The following MAP3K15 variants were observed in gnomAD, a reference collection of about 807,000 sequenced individuals.
MAP3K15 encodes the protein mitogen-activated protein kinase kinase kinase 15.
A neutral mutation model predicts 99.5 loss-of-function variants in MAP3K15; 124 were observed. That is an observed-to-expected ratio of 1.25 (90% CI 1.08 to 1.45). The LOEUF (loss-of-function observed/expected upper bound fraction) is 1.45, where lower values mean the gene tolerates loss of function less well. MAP3K15 is among the 40% of genes most tolerant of loss of function. The pLI is 0.00. For missense variants in MAP3K15, 1,242 were observed against 1,079.7 expected (o/e 1.15, Z -2.11); for synonymous variants, 494 against 439.6 (o/e 1.12, Z -1.55).
chrX:19,372,093 C>T (rs1387376762), intron 22 of MAP3K15, among the ~76,000 whole-genome samples: 1 of 103,743 alleles, frequency 9.6e-6, no homozygotes, highest in Non-Finnish European at 2.0e-5. Context: ...AAGATCACAC[C>T]GCTGCACTCC....
At chrX:19,399,685 G>T (rs2147258599) in intron 14 of MAP3K15, among the ~76,000 whole-genome samples, 1 of 94,908 alleles carries the variant, frequency 1.1e-5, no homozygotes, top group East Asian at 3.8e-4. Context: ...AGTAAGGCGA[G>T]ATTGCGCCAC....
chrX:19,434,067 T>C (rs2147316584), intron 6 of MAP3K15, among the ~76,000 whole-genome samples: 1 of 112,103 alleles, frequency 8.9e-6, no homozygotes, highest in East Asian at 2.8e-4. Context: ...ATAAACACAT[T>C]CACATGTTAA....
At chrX:19,428,291 C>T (rs1000262278) in intron 7 of MAP3K15, among the ~76,000 whole-genome samples, 25 of 111,899 alleles carry the variant, frequency 2.2e-4, no homozygotes, top group African/African-American at 6.2e-4. Context: ...CTTCTGAAGC[C>T]GCTGGAGAAA....
At chrX:19,419,581 A>T (rs368067758) in intron 9 of MAP3K15, among the ~76,000 whole-genome samples, 4 of 110,987 alleles carry the variant, frequency 3.6e-5, no homozygotes, top group African/African-American at 6.6e-5. Context: ...CTCCCACACA[A>T]TAATAATGGG....
chrX:19,453,482 A>C (rs942561459), intron 6 of MAP3K15, among the ~76,000 whole-genome samples: 1 of 107,503 alleles, frequency 9.3e-6, no homozygotes, highest in African/African-American at 3.4e-5. Flanking sequence ...CCTGGGCGAC[A>C]GAGTGAGCGT....
chrX:19,416,847 A>C (rs1037292393), intron 9 of MAP3K15, among the ~76,000 whole-genome samples: 3 of 112,115 alleles, frequency 2.7e-5, no homozygotes, highest in African/African-American at 9.7e-5. Context: ...TGAGCCCCTA[A>C]CTCCCACATT....
At chrX:19,404,065 G>C (rs2063629639) in intron 13 of MAP3K15, among the ~76,000 whole-genome samples, 1 of 111,362 alleles carries the variant, frequency 9.0e-6, no homozygotes, top group African/African-American at 3.3e-5. Context: ...GGTTGGAAAG[G>C]AAAAACTAAA....
chrX:19,377,938 G>A lies in MAP3K15; in HGVS notation c.2589+2182C>T, dbSNP rs1018784037. The stretch of plus-strand genomic sequence containing the variant: ...TTGGCCTGGGCTCTGAACCCAAGCA[G>A]CTGATAGGAGGTGAGAAGCTCTGAG... On this transcript the variant is annotated intron_variant, in intron 19 of 28. Coordinates refer to ENST00000338883, the MANE Select transcript of MAP3K15 (RefSeq NM_001001671.4). 4.5e-5 allele frequency among the ~76,000 whole-genome samples: 5 copies of A among 112,287 alleles called. No individual in the cohort carries two copies. The Admixed American group carries it at 4.7e-4, about 11-fold the overall frequency.
intron 3 of MAP3K15, among the ~76,000 whole-genome samples, chrX:19,482,918 G>A (rs1236293899): frequency 9.0e-6 from 1 of 110,905 alleles, no homozygotes; most frequent in Non-Finnish European, 1.9e-5. Flanking sequence ...CTGGAGTTTG[G>A]CTTCCTGGCC....
At chrX:19,384,748 GGAAAA>G (rs2063482565) in intron 18 of MAP3K15, among the ~76,000 whole-genome samples, 1 of 56,469 alleles carries the variant, frequency 1.8e-5, no homozygotes, top group African/African-American at 7.0e-5. Flanking sequence ...TTGTCTCAGG[GGAAAA>G]AAAAAAAAAA....
At chrX:19,512,015 G>T (rs1261784240) in intron 1 of MAP3K15, among the ~76,000 whole-genome samples, 1 of 111,537 alleles carries the variant, frequency 9.0e-6, no homozygotes, top group African/African-American at 3.3e-5. Context: ...CATGTCCTTT[G>T]CAGGGACATG....
intron 9 of MAP3K15, among the ~76,000 whole-genome samples, chrX:19,423,179 GAAAAAAAGA>G (rs905087093): frequency 3.8e-5 from 4 of 106,046 alleles, no homozygotes; most frequent in Non-Finnish European, 5.9e-5. Context: ...AGTATAATAA[GAAAAAAAGA>G]AAAAAAAGAA....
At chrX:19,486,735 C>T (rs2064328626) in intron 2 of MAP3K15, among the ~76,000 whole-genome samples, 1 of 111,622 alleles carries the variant, frequency 9.0e-6, no homozygotes, top group African/African-American at 3.3e-5. Flanking sequence ...TTGATCACCA[C>T]TGGTTAGTCT....
At chrX:19,404,983 G>A (rs1027393387) in intron 13 of MAP3K15, among the ~76,000 whole-genome samples, 1 of 110,182 alleles carries the variant, frequency 9.1e-6, no homozygotes, top group Non-Finnish European at 1.9e-5. Flanking sequence ...AGAGCCAAAG[G>A]CACAAATGAC....
intron 3 of MAP3K15, among the ~76,000 whole-genome samples, chrX:19,470,646 A>G (rs1379532917): frequency 9.8e-5 from 11 of 111,841 alleles, no homozygotes; most frequent in Non-Finnish European, 1.1e-4. Flanking sequence ...GTAAACAACA[A>G]AAACAACATG....
intron 5 of MAP3K15, among the ~76,000 whole-genome samples, chrX:19,458,227 G>A (rs933874818): frequency 1.9e-4 from 21 of 111,982 alleles, no homozygotes; most frequent in African/African-American, 6.8e-4. Flanking sequence ...GCCCACCTTT[G>A]AGCATGAATG....
At position 19,361,495 on chromosome X, in the gene MAP3K15, T is replaced by G. The variant is rs1252052240; in HGVS notation, c.3778A>C (p.Lys1260Gln). 1 of 1,209,062 alleles carries G rather than the reference T, an allele frequency of 8.3e-7. No homozygotes were observed. Among genetic ancestry groups the G allele is most frequent in the Non-Finnish European group, 1.1e-6 (1 of 892,988 alleles). Residue 1260 changes from lysine to glutamine, a missense_variant and splice_region_variant, in exon 27 of 29, where the codon AAG (lysine) becomes CAG (glutamine). Transcript: ENST00000338883. ...LQGADAKTIE[K>Q]IVEEGYTLSD... ...GAATTTCTTTGTTGTAAATTTACCT[T>G]TTCAATTGTCTTTGCATCAGCTCCT... is the stretch of plus-strand genomic sequence containing the variant.
intron 6 of MAP3K15, among the ~76,000 whole-genome samples, chrX:19,447,815 C>T (rs934073762): frequency 2.5e-5 from 2 of 80,042 alleles, no homozygotes; most frequent in Non-Finnish European, 4.8e-5. Flanking sequence ...ACCCGGGAGG[C>T]GGAGCTTGCA....
intron 7 of MAP3K15, among the ~76,000 whole-genome samples, chrX:19,430,675 C>G (rs1284721325): frequency 1.8e-5 from 2 of 111,005 alleles, no homozygotes; most frequent in African/African-American, 6.6e-5. Flanking sequence ...GCAAGAAGGT[C>G]TTACCCTCTT....
Sources: gnomAD v4.1 joint callset for allele counts (sites outside exome capture counted in the v4.1 genomes callset) on GRCh38, gnomAD v4.1.1 for gene constraint, MANE v1.5 for transcripts, NCBI Gene and HGNC (gene_info 2026-07-23, HGNC 2026-07-21) for gene names.